The following RAB27A variants were observed in gnomAD, a reference collection of about 807,000 sequenced individuals.
RAB27A encodes ras-related protein Rab-27A.
A neutral mutation model predicts 20.8 loss-of-function variants in RAB27A; 17 were observed. The observed-to-expected ratio is 0.82, with a 90% CI of 0.56 to 1.23. The LOEUF (loss-of-function observed/expected upper bound fraction) is 1.23. Ranked by LOEUF, RAB27A falls within the 50% of genes most tolerant of loss-of-function variation. The probability of loss-of-function intolerance (pLI) is 0.00; values close to 1 mark genes in which losing one functional copy is unlikely to be tolerated. For synonymous variants in RAB27A, 85 were observed against 92.8 expected (o/e 0.92, Z 0.48); for missense variants, 277 against 266.7 (o/e 1.04, Z -0.27).
At position 55,302,498 on chromosome 15, in the gene RAB27A, C is replaced by T. The variant is rs917218691; in HGVS notation, c.-112+11541G>A. Among the ~76,000 whole-genome samples, 183 of 152,112 alleles carry T rather than the reference C, an allele frequency of 1.2e-3. 1 individual carries two copies. Among genetic ancestry groups the T allele is most frequent in the Non-Finnish European group, 1.9e-3 (130 of 67,978 alleles). On this transcript the variant is annotated intron_variant, in intron 2 of 5. Transcript: ENST00000563262. ...GGCAGCCTCTGCCCGGCCGCCACCC[C>T]GTCTGGGAAGTGAGGAGCGTCTCTG...
intron 2 of RAB27A, among the ~76,000 whole-genome samples, chr15:55,252,520 T>C (rs1896926926): frequency 6.6e-6 from 1 of 152,124 alleles, no homozygotes; most frequent in Admixed American, 6.5e-5. Flanking sequence ...GAGAATGGCT[T>C]GAACCTGGGA....
chr15:55,218,266 T>C (rs1235219139), intron 6 of RAB27A, among the ~76,000 whole-genome samples: 2 of 152,240 alleles, frequency 1.3e-5, no homozygotes, highest in South Asian at 2.1e-4. Flanking sequence ...ATGGCTGGTG[T>C]GCTGACTGTT....
chr15:55,215,651 C>CAAAAAAAA (rs562538229), intron 6 of RAB27A, among the ~76,000 whole-genome samples: 2 of 76,578 alleles, frequency 2.6e-5, no homozygotes, highest in Non-Finnish European at 4.9e-5. Context: ...GACTCCGTCT[C>CAAAAAAAA]AAAAAAAAAA....
At chr15:55,247,443 G>A (rs1035151544) in intron 2 of RAB27A, among the ~76,000 whole-genome samples, 5 of 151,820 alleles carry the variant, frequency 3.3e-5, no homozygotes, top group African/African-American at 4.8e-5. Flanking sequence ...TTTCCAAGTT[G>A]CAAAACACAG....
intron 1 of RAB27A, among the ~76,000 whole-genome samples, chr15:55,280,797 G>A (rs1014044384): frequency 6.6e-6 from 1 of 151,898 alleles, no homozygotes; most frequent in Non-Finnish European, 1.5e-5. Context: ...TGAGAATGAT[G>A]GTTTCCAGCT....
At chr15:55,304,806 C>T (rs2054990411) in intron 2 of RAB27A, among the ~76,000 whole-genome samples, 1 of 151,862 alleles carries the variant, frequency 6.6e-6, no homozygotes, top group African/African-American at 2.4e-5. Context: ...ATGTGATGAA[C>T]ATTCATTTAC....
chr15:55,317,077 G>A (rs1315771041), intron 1 of RAB27A: 2 of 152,042 alleles, frequency 1.3e-5, no homozygotes, highest in Non-Finnish European at 2.9e-5. Context: ...ACCTCAAGTA[G>A]AAAATATTCC....
At chr15:55,264,614 A>C (rs1897395298) in intron 2 of RAB27A, among the ~76,000 whole-genome samples, 1 of 152,218 alleles carries the variant, frequency 6.6e-6, no homozygotes, top group Non-Finnish European at 1.5e-5. Context: ...ATGTACTTCA[A>C]ATATAACAGA....
chr15:55,222,434 A>G (rs917039893), intron 6 of RAB27A, among the ~76,000 whole-genome samples: 1 of 152,016 alleles, frequency 6.6e-6, no homozygotes, highest in Non-Finnish European at 1.5e-5. Flanking sequence ...CAATCTATCA[A>G]TCTCTAGTCT....
chr15:55,271,125 A>C (rs1344550188), intron 1 of RAB27A, among the ~76,000 whole-genome samples: 1 of 152,038 alleles, frequency 6.6e-6, no homozygotes, highest in African/African-American at 2.4e-5. Context: ...CATCCTCCAC[A>C]CCACACCCAA....
intron 2 of RAB27A, among the ~76,000 whole-genome samples, chr15:55,304,934 G>A (rs749591794): frequency 2.0e-5 from 3 of 152,132 alleles, no homozygotes; most frequent in Non-Finnish European, 4.4e-5. Context: ...CAAAGGGAGG[G>A]GACCCAAAGA....
chr15:55,280,526 T>C (rs1249091531), intron 1 of RAB27A, among the ~76,000 whole-genome samples: 2 of 147,818 alleles, frequency 1.4e-5, no homozygotes, highest in Admixed American at 6.7e-5. Context: ...TATATATATA[T>C]ACTTTAAGTT....
intron 6 of RAB27A, among the ~76,000 whole-genome samples, chr15:55,217,663 C>CAAAAAAAAAAAAAAAAAAAAAAA (rs199813098): frequency 2.3e-5 from 1 of 43,544 alleles, no homozygotes; most frequent in African/African-American, 8.8e-5. Context: ...CACTCCATCT[C>CAAAAAAAAAAAAAAAAAAAAAAA]AAAAAAAAAA....
chr15:55,317,750 C>T, intron 1 of RAB27A: 1 of 398,586 alleles, frequency 2.5e-6, no homozygotes, highest in African/African-American at 2.1e-5. Context: ...ATTCCAAGGA[C>T]AGTGGCAAAA....
At chr15:55,242,925 TTC>T (rs1195040522) in intron 2 of RAB27A, among the ~76,000 whole-genome samples, 7 of 152,232 alleles carry the variant, frequency 4.6e-5, no homozygotes, top group Admixed American at 3.9e-4. Flanking sequence ...CATATTTTTC[TTC>T]TGTCTGTATT....
chr15:55,286,776 A>G (rs1898165055), intron 1 of RAB27A, among the ~76,000 whole-genome samples: 1 of 151,958 alleles, frequency 6.6e-6, no homozygotes, highest in Non-Finnish European at 1.5e-5. Context: ...CTGTGTTAAG[A>G]ATAGAGTGTG....
chr15:55,229,262 C>G (rs1194823101), intron 4 of RAB27A, among the ~76,000 whole-genome samples: 1 of 150,388 alleles, frequency 6.6e-6, no homozygotes, highest in Non-Finnish European at 1.5e-5. Context: ...CTCGTCTTTG[C>G]CTATATGTAA....
intron 2 of RAB27A, among the ~76,000 whole-genome samples, chr15:55,261,321 C>T (rs556177054): frequency 8.0e-4 from 121 of 151,842 alleles, no homozygotes; most frequent in Admixed American, 1.0e-3. Context: ...TGCTGGAACC[C>T]GGGCAGCAGA....
At chr15:55,314,561 T>G (rs537687513) in intron 1 of RAB27A, among the ~76,000 whole-genome samples, 1 of 152,294 alleles carries the variant, frequency 6.6e-6, no homozygotes, top group African/African-American at 2.4e-5. Context: ...ATAAGCAACT[T>G]CAGCAAAGTC....
Sources: allele counts gnomAD v4.1 joint callset (sites outside exome capture counted in the v4.1 genomes callset), GRCh38; gene constraint gnomAD v4.1.1; transcripts MANE v1.5; gene names NCBI Gene and HGNC (gene_info 2026-07-23, HGNC 2026-07-21).